MACROD2: variants seen among roughly 807,000 people sequenced by gnomAD.
MACROD2 encodes ADP-ribose glycohydrolase MACROD2.
In MACROD2, 36 loss-of-function variants were observed where a neutral mutation model predicts 70.4. The observed-to-expected ratio is 0.51, with a 90% confidence interval of 0.39 to 0.68. The LOEUF (loss-of-function observed/expected upper bound fraction) is 0.68. MACROD2 is among the 30% of genes least tolerant of loss of function. The probability of loss-of-function intolerance (pLI) is 0.00; values close to 1 mark genes in which losing one functional copy is unlikely to be tolerated. For missense variants in MACROD2, 496 were observed against 538.4 expected (o/e 0.92, Z 0.78); for synonymous variants, 172 against 178.8 (o/e 0.96, Z 0.30).
chr20:15,666,614 G>A (rs74413884), intron 8 of MACROD2, among the ~76,000 whole-genome samples: 2,712 of 152,218 alleles, frequency 0.018, 34 homozygotes, highest in East Asian at 0.026. Flanking sequence ...ACCTAGGTCA[G>A]CCTGTGTGGT....
At chr20:14,529,483 T>A (rs1401196336) in intron 4 of MACROD2, among the ~76,000 whole-genome samples, 1 of 152,180 alleles carries the variant, frequency 6.6e-6, no homozygotes, top group East Asian at 1.9e-4. Flanking sequence ...CTTCATGTCA[T>A]TATATGACAA....
At chr20:14,233,958 G>T (rs1401444279) in intron 3 of MACROD2, among the ~76,000 whole-genome samples, 1 of 152,086 alleles carries the variant, frequency 6.6e-6, no homozygotes, top group East Asian at 1.9e-4. Flanking sequence ...AAACTATTCT[G>T]TATGATACTC....
chr20:14,926,546 CAA>C (rs59492795), intron 5 of MACROD2, among the ~76,000 whole-genome samples: 23 of 137,204 alleles, frequency 1.7e-4, no homozygotes, highest in Non-Finnish European at 2.1e-4. Flanking sequence ...AAGACTCCGT[CAA>C]AAAAAAAAAA....
chr20:15,650,920 ATCC>A (rs1281965884), intron 8 of MACROD2, among the ~76,000 whole-genome samples: 3 of 152,176 alleles, frequency 2.0e-5, no homozygotes, highest in Non-Finnish European at 4.4e-5. Context: ...TGATCTTCTT[ATCC>A]TTATGGAACT....
chr20:15,700,579 T>C (rs955019048), intron 8 of MACROD2, among the ~76,000 whole-genome samples: 9 of 152,270 alleles, frequency 5.9e-5, no homozygotes, highest in African/African-American at 2.2e-4. Context: ...CATATTTATT[T>C]ACATAAAGAT....
chr20:15,378,984 A>G (rs1309935091), intron 6 of MACROD2, among the ~76,000 whole-genome samples: 1 of 152,196 alleles, frequency 6.6e-6, no homozygotes. Flanking sequence ...CATAAATGTG[A>G]AGGAATGCCT....
At chr20:15,568,769 G>A (rs1170068942) in intron 8 of MACROD2, among the ~76,000 whole-genome samples, 1 of 152,180 alleles carries the variant, frequency 6.6e-6, no homozygotes, top group East Asian at 1.9e-4. Context: ...TGGGGCTCCT[G>A]TTAATAAGCA....
intron 5 of MACROD2, among the ~76,000 whole-genome samples, chr20:15,196,213 C>A (rs2076605473): frequency 6.6e-6 from 1 of 150,940 alleles, no homozygotes; most frequent in Non-Finnish European, 1.5e-5. Flanking sequence ...AACAAACCTG[C>A]ATATCCTGCA....
At chr20:14,983,942 C>G (rs1314724884) in intron 5 of MACROD2, among the ~76,000 whole-genome samples, 1 of 152,162 alleles carries the variant, frequency 6.6e-6, no homozygotes, top group Non-Finnish European at 1.5e-5. Context: ...TTGGAATAGA[C>G]TAGTACCTTT....
intron 4 of MACROD2, among the ~76,000 whole-genome samples, chr20:14,618,797 G>C (rs930211463): frequency 3.3e-5 from 5 of 152,124 alleles, no homozygotes; most frequent in Non-Finnish European, 7.4e-5. Flanking sequence ...AAATAACAGA[G>C]CCTCTGAAAA....
At chr20:15,206,232 A>G (rs1008789364) in intron 5 of MACROD2, among the ~76,000 whole-genome samples, 3 of 152,254 alleles carry the variant, frequency 2.0e-5, no homozygotes, top group African/African-American at 7.2e-5. Context: ...CAAGAAGCAA[A>G]TATGGATTCT....
intron 5 of MACROD2, among the ~76,000 whole-genome samples, chr20:15,101,718 T>C (rs2075874535): frequency 6.6e-6 from 1 of 152,020 alleles, no homozygotes; most frequent in Non-Finnish European, 1.5e-5. Context: ...TATTTCAGAA[T>C]ACGAATTATA....
intron 8 of MACROD2, among the ~76,000 whole-genome samples, chr20:15,798,540 G>GT (rs764385513): frequency 1.3e-5 from 2 of 152,132 alleles, no homozygotes; most frequent in Non-Finnish European, 2.9e-5. Context: ...CATTCTATTG[G>GT]TAAAAAGTAA....
chr20:15,531,490 A>C (rs965877589), intron 8 of MACROD2, among the ~76,000 whole-genome samples: 1 of 152,148 alleles, frequency 6.6e-6, no homozygotes, highest in African/African-American at 2.4e-5. Context: ...TTGTAGGAAA[A>C]TAAAAACTTA....
intron 6 of MACROD2, among the ~76,000 whole-genome samples, chr20:15,276,397 C>T (rs2077392725): frequency 2.1e-5 from 1 of 46,548 alleles, no homozygotes; most frequent in Non-Finnish European, 5.1e-5. Flanking sequence ...GAGACTCCCT[C>T]TCAAAAAAAT....
At chr20:14,038,156 T>C (rs2053343075) in intron 2 of MACROD2, among the ~76,000 whole-genome samples, 1 of 152,002 alleles carries the variant, frequency 6.6e-6, no homozygotes, top group Non-Finnish European at 1.5e-5. Context: ...TATCTGGGTG[T>C]GGTGGTGGGT....
chr20:15,502,839 G>A (rs924574098), intron 8 of MACROD2, among the ~76,000 whole-genome samples: 4 of 152,140 alleles, frequency 2.6e-5, no homozygotes, highest in South Asian at 2.1e-4. Flanking sequence ...CTGTTTGTAC[G>A]TCTTGAGTCA....
At chr20:14,333,730 G>A (rs566373049) in intron 3 of MACROD2, among the ~76,000 whole-genome samples, 9 of 152,204 alleles carry the variant, frequency 5.9e-5, no homozygotes, top group African/African-American at 1.9e-4. Context: ...CTACTGTGTG[G>A]CAAGCACTAT....
intron 5 of MACROD2, among the ~76,000 whole-genome samples, chr20:15,191,123 G>A (rs73258883): frequency 9.8e-5 from 15 of 152,302 alleles, no homozygotes; most frequent in African/African-American, 3.6e-4. Context: ...ATGAAGAAGT[G>A]GGGAGAGTGA....
Sources: allele counts gnomAD v4.1 joint callset (sites outside exome capture counted in the v4.1 genomes callset), GRCh38; gene constraint gnomAD v4.1.1; transcripts MANE v1.5; gene names NCBI Gene and HGNC (gene_info 2026-07-23, HGNC 2026-07-21).